ROBO2: variants seen among roughly 807,000 people sequenced by gnomAD.
ROBO2 encodes roundabout guidance receptor 2.
ROBO2 carries 53 observed loss-of-function variants against 160.8 expected under a neutral mutation model. The observed-to-expected ratio is 0.33, with a 90% CI of 0.26 to 0.41. The LOEUF is 0.41. ROBO2 is among the 10% of genes least tolerant of loss of function. The pLI is 1.00. For missense variants in ROBO2, 1,577 were observed against 1,722.4 expected (o/e 0.92, Z 1.49); for synonymous variants, 664 against 611.7 (o/e 1.09, Z -1.26).
intron 2 of ROBO2, among the ~76,000 whole-genome samples, chr3:76,042,560 C>G (rs757283772): frequency 6.6e-6 from 1 of 151,854 alleles, no homozygotes; most frequent in Non-Finnish European, 1.5e-5. Context: ...AAGAGAGACC[C>G]TCTCATATTG....
rs62251222 is a variant in ROBO2 at position 77,318,460 on chromosome 3, A to G, written c.389-158954A>G. Among the ~76,000 whole-genome samples the G allele has an allele frequency of 4.5e-3, 679 of 152,362 alleles. 3 individuals carry two copies. The highest frequency in any genetic ancestry group is 0.014 in the Middle Eastern group (4 of 294). The stretch of plus-strand genomic sequence containing the variant: ...CTGCAGGGAACTGTTTTACCATTAC[A>G]GATAACGTTATGAATACAAGTATTT... On this transcript the variant is annotated intron_variant, in intron 2 of 25. Transcript: ENST00000461745.
intron 2 of ROBO2, among the ~76,000 whole-genome samples, chr3:76,936,391 C>T (rs548440210): frequency 6.6e-6 from 1 of 152,138 alleles, no homozygotes; most frequent in Non-Finnish European, 1.5e-5. Context: ...GACTTACAAA[C>T]TTTGAAAGAT....
At chr3:77,096,452 CTT>C (rs535870944) in intron 1 of ROBO2, among the ~76,000 whole-genome samples, 16 of 142,856 alleles carry the variant, frequency 1.1e-4, no homozygotes, top group Non-Finnish European at 1.5e-4. Flanking sequence ...TTTTCTTTTT[CTT>C]TTTTTTTTTT....
chr3:76,854,004 C>T (rs1158300185), intron 2 of ROBO2, among the ~76,000 whole-genome samples: 1 of 147,596 alleles, frequency 6.8e-6, no homozygotes, highest in Non-Finnish European at 1.5e-5. Context: ...AATGGACAGC[C>T]AAAAGCATAG....
intron 2 of ROBO2, among the ~76,000 whole-genome samples, chr3:76,099,546 A>G (rs1481520840): frequency 6.6e-6 from 1 of 152,168 alleles, no homozygotes. Flanking sequence ...AAAGCAGTGG[A>G]TATTTTATGT....
intron 2 of ROBO2, among the ~76,000 whole-genome samples, chr3:76,163,326 A>G (rs2072707713): frequency 6.6e-6 from 1 of 151,772 alleles, no homozygotes; most frequent in African/African-American, 2.4e-5. Flanking sequence ...ATTTTAACTT[A>G]TTTATATAAT....
chr3:76,965,610 C>T (rs1428919617), intron 2 of ROBO2, among the ~76,000 whole-genome samples: 1 of 149,748 alleles, frequency 6.7e-6, no homozygotes, highest in Non-Finnish European at 1.5e-5. Context: ...AATACATATG[C>T]AATGTTAGGC....
At chr3:76,668,759 T>A (rs1427197865) in intron 2 of ROBO2, among the ~76,000 whole-genome samples, 1 of 146,054 alleles carries the variant, frequency 6.8e-6, no homozygotes, top group Non-Finnish European at 1.5e-5. Context: ...AAAAAAAAAA[T>A]TCAGTTAGCA....
At chr3:76,406,287 C>T (rs1377243380) in intron 2 of ROBO2, among the ~76,000 whole-genome samples, 3 of 151,744 alleles carry the variant, frequency 2.0e-5, no homozygotes, top group African/African-American at 7.2e-5. Flanking sequence ...GAAACATCCA[C>T]AGTGAGGTAT....
At chr3:76,978,938 G>GTTTGTTT (rs2059947068) in intron 2 of ROBO2, among the ~76,000 whole-genome samples, 1 of 132,190 alleles carries the variant, frequency 7.6e-6, no homozygotes, top group Non-Finnish European at 1.6e-5. Flanking sequence ...TTGTTTGTTT[G>GTTTGTTT]TTTTTTAAAA....
intron 21 of ROBO2, among the ~76,000 whole-genome samples, chr3:77,612,674 C>T (rs1384806914): frequency 3.3e-5 from 5 of 152,112 alleles, no homozygotes; most frequent in Admixed American, 1.3e-4. Flanking sequence ...TGGCTAGGCG[C>T]GGTAGCTCAC....
chr3:76,330,042 T>C (rs1280322211), intron 2 of ROBO2, among the ~76,000 whole-genome samples: 1 of 152,224 alleles, frequency 6.6e-6, no homozygotes, highest in Non-Finnish European at 1.5e-5. Context: ...AACATTTTAC[T>C]GTATCTATGT....
At chr3:77,458,730 A>G (rs1168289875) in intron 2 of ROBO2, among the ~76,000 whole-genome samples, 2 of 152,326 alleles carry the variant, frequency 1.3e-5, no homozygotes, top group East Asian at 1.9e-4. Context: ...ATCTCACAGC[A>G]TGGCATAATA....
chr3:76,516,137 A>T (rs1309999134), intron 2 of ROBO2, among the ~76,000 whole-genome samples: 1 of 152,192 alleles, frequency 6.6e-6, no homozygotes, highest in African/African-American at 2.4e-5. Flanking sequence ...TGTGCAATTT[A>T]CAAAAAGTGA....
intron 2 of ROBO2, among the ~76,000 whole-genome samples, chr3:77,467,587 G>GTATC (rs59640984): frequency 0.3 from 44,705 of 148,010 alleles, 6,810 homozygotes; most frequent in Non-Finnish European, 0.33. Context: ...CTATCTGTCT[G>GTATC]TATCTATCTA....
At chr3:77,514,336 G>A (rs1160143927) in intron 5 of ROBO2, among the ~76,000 whole-genome samples, 1 of 151,610 alleles carries the variant, frequency 6.6e-6, no homozygotes, top group Admixed American at 6.6e-5. Flanking sequence ...AACCTCCCAG[G>A]GTTACATTTG....
intron 2 of ROBO2, among the ~76,000 whole-genome samples, chr3:76,793,559 A>C (rs1018356600): frequency 6.6e-6 from 1 of 151,912 alleles, no homozygotes; most frequent in Non-Finnish European, 1.5e-5. Flanking sequence ...CACAGTAAGC[A>C]TTCTGTAGGA....
chr3:77,145,310 T>C (rs889319833), intron 2 of ROBO2, among the ~76,000 whole-genome samples: 5 of 152,320 alleles, frequency 3.3e-5, no homozygotes, highest in Admixed American at 1.3e-4. Context: ...AGAAACATGT[T>C]TGAAGTTTGA....
intron 2 of ROBO2, among the ~76,000 whole-genome samples, chr3:77,401,657 C>G (rs1386215768): frequency 6.6e-6 from 1 of 151,640 alleles, no homozygotes; most frequent in South Asian, 2.1e-4. Context: ...GCCAGCTAGT[C>G]AGATATGAGC....
Sources: allele counts gnomAD v4.1 joint callset (sites outside exome capture counted in the v4.1 genomes callset), GRCh38; gene constraint gnomAD v4.1.1; transcripts MANE v1.5; gene names NCBI Gene and HGNC (gene_info 2026-07-23, HGNC 2026-07-21).